Variants in ARHGAP15 observed in about 807,000 individuals in gnomAD.
ARHGAP15 encodes Rho GTPase activating protein 15, also known as rho GTPase-activating protein 15.
ARHGAP15 carries 51 observed loss-of-function variants against 63.7 expected under a neutral mutation model. That is an observed-to-expected ratio of 0.80 (90% CI 0.64 to 1.01). The LOEUF (loss-of-function observed/expected upper bound fraction) is 1.01, where lower values mean the gene tolerates loss of function less well. Ranked by LOEUF, ARHGAP15 falls within the 50% of genes least tolerant of loss-of-function variation. The pLI is 0.00. For missense variants in ARHGAP15, 560 were observed against 564.6 expected (o/e 0.99, Z 0.08); for synonymous variants, 191 against 193.8 (o/e 0.99, Z 0.12).
chr2:143,468,529 G>C (rs1574489764), intron 8 of ARHGAP15, among the ~76,000 whole-genome samples: 1 of 151,836 alleles, frequency 6.6e-6, no homozygotes, highest in Admixed American at 6.6e-5. Flanking sequence ...AATCTGTTTT[G>C]CTTGTATTTG....
intron 6 of ARHGAP15, among the ~76,000 whole-genome samples, chr2:143,374,522 T>C (rs1366930747): frequency 6.6e-6 from 1 of 152,084 alleles, no homozygotes; most frequent in Non-Finnish European, 1.5e-5. Context: ...TTTGCTTTTT[T>C]GAGATAGTGT....
intron 6 of ARHGAP15, among the ~76,000 whole-genome samples, chr2:143,275,438 G>T (rs769608373): frequency 6.6e-5 from 10 of 152,192 alleles, no homozygotes; most frequent in Non-Finnish European, 1.2e-4. Context: ...CTTGGTGGTG[G>T]TGAGTTGCAG....
chr2:143,701,949 G>A (rs973260048), intron 12 of ARHGAP15, among the ~76,000 whole-genome samples: 26 of 152,072 alleles, frequency 1.7e-4, no homozygotes, highest in Admixed American at 6.6e-4. Context: ...CTCCCAGAAG[G>A]CCTGACCAAC....
intron 2 of ARHGAP15, among the ~76,000 whole-genome samples, chr2:143,200,718 T>G (rs371072560): frequency 3.9e-5 from 6 of 152,216 alleles, no homozygotes; most frequent in East Asian, 3.9e-4. Flanking sequence ...AATCTGTCTA[T>G]TATGCTTCTT....
chr2:143,145,549 A>G (rs1291661280), intron 1 of ARHGAP15, among the ~76,000 whole-genome samples: 1 of 152,030 alleles, frequency 6.6e-6, no homozygotes, highest in Non-Finnish European at 1.5e-5. Flanking sequence ...ACAATCTGCA[A>G]ATCTGAACTT....
intron 11 of ARHGAP15, among the ~76,000 whole-genome samples, chr2:143,556,792 A>G (rs1011195813): frequency 6.6e-6 from 1 of 152,074 alleles, no homozygotes; most frequent in Admixed American, 6.6e-5. Flanking sequence ...AAAAAATGTT[A>G]TTGGCTTATA....
At chr2:143,167,886 A>G (rs1000041239) in intron 2 of ARHGAP15, among the ~76,000 whole-genome samples, 1 of 152,118 alleles carries the variant, frequency 6.6e-6, no homozygotes, top group African/African-American at 2.4e-5. Flanking sequence ...GTTTTCCTGC[A>G]GGTTGCATTA....
intron 6 of ARHGAP15, among the ~76,000 whole-genome samples, chr2:143,293,764 A>G (rs1682512815): frequency 6.6e-6 from 1 of 152,026 alleles, no homozygotes; most frequent in African/African-American, 2.4e-5. Flanking sequence ...TGCAACTATT[A>G]AGTGTCAAAA....
intron 6 of ARHGAP15, among the ~76,000 whole-genome samples, chr2:143,273,686 T>C (rs945507703): frequency 3.9e-5 from 6 of 152,164 alleles, no homozygotes; most frequent in Non-Finnish European, 5.9e-5. Flanking sequence ...ATTTTATTTG[T>C]ACAATTTTTT....
intron 9 of ARHGAP15, among the ~76,000 whole-genome samples, chr2:143,510,018 TAAAA>T (rs35469918): frequency 6.9e-3 from 339 of 48,822 alleles, no homozygotes; most frequent in African/African-American, 0.025. Flanking sequence ...GACTCCCTCT[TAAAA>T]AAAAAAAAAA....
At chr2:143,239,496 T>A (rs1283459280) in intron 5 of ARHGAP15, among the ~76,000 whole-genome samples, 1 of 152,144 alleles carries the variant, frequency 6.6e-6, no homozygotes, top group East Asian at 1.9e-4. Context: ...TACTCTCTGC[T>A]TCTATGAGTT....
At chr2:143,272,289 T>A (rs1444590626) in intron 6 of ARHGAP15, among the ~76,000 whole-genome samples, 1 of 152,182 alleles carries the variant, frequency 6.6e-6, no homozygotes, top group Non-Finnish European at 1.5e-5. Flanking sequence ...ACATCCATAC[T>A]CTTTCTGCTT....
At chr2:143,634,125 T>C (rs778881156) in intron 12 of ARHGAP15, among the ~76,000 whole-genome samples, 1 of 152,162 alleles carries the variant, frequency 6.6e-6, no homozygotes, top group Non-Finnish European at 1.5e-5. Flanking sequence ...CTTCATCATT[T>C]ACTGTTCCCT....
intron 11 of ARHGAP15, chr2:143,587,601 T>C (rs1697158727): frequency 1.0e-5 from 4 of 392,366 alleles, no homozygotes; most frequent in South Asian, 2.0e-5. Context: ...TTATGTTTCC[T>C]GAATACCCCT....
chr2:143,721,058 T>C (rs1685033811), intron 13 of ARHGAP15, among the ~76,000 whole-genome samples: 1 of 18,480 alleles, frequency 5.4e-5, no homozygotes, highest in African/African-American at 8.1e-5. Flanking sequence ...CAAGACTCCG[T>C]CTCAAAAAAA....
chr2:143,675,266 C>T (rs1013544235), intron 12 of ARHGAP15, among the ~76,000 whole-genome samples: 2 of 152,194 alleles, frequency 1.3e-5, no homozygotes, highest in African/African-American at 4.8e-5. Context: ...AGTTCCACCA[C>T]ATCTACAGTC....
rs1157412190 is a variant in ARHGAP15 at position 143,644,093 on chromosome 2, T to TAATCA, written c.1138+19829_1138+19833dup. The stretch of plus-strand genomic sequence containing the variant: ...AAGGGGAAAGCATAACAGATTTATT[T>TAATCA]AATCAAAAGTGTGACACAGGAACTT... On this transcript the variant is annotated intron_variant, in intron 12 of 13. Transcript: ENST00000295095. 2.6e-5 allele frequency among the ~76,000 whole-genome samples: 4 copies of TAATCA among 152,236 alleles called. No homozygotes were observed. The South Asian group carries it at 8.3e-4, about 32-fold the overall frequency.
chr2:143,755,798 C>T (rs1266203707), intron 13 of ARHGAP15, among the ~76,000 whole-genome samples: 2 of 152,166 alleles, frequency 1.3e-5, no homozygotes, highest in East Asian at 3.9e-4. Context: ...TGGTGAAACC[C>T]TGTCTAAAAA....
chr2:143,200,566 T>C (rs1692074347), intron 2 of ARHGAP15, among the ~76,000 whole-genome samples: 1 of 152,034 alleles, frequency 6.6e-6, no homozygotes, highest in Non-Finnish European at 1.5e-5. Context: ...TCTCTCTCTC[T>C]CTCATCCTCC....
Sources: allele counts gnomAD v4.1 joint callset (sites outside exome capture counted in the v4.1 genomes callset), GRCh38; gene constraint gnomAD v4.1.1; transcripts MANE v1.5; gene names NCBI Gene and HGNC (gene_info 2026-07-23, HGNC 2026-07-21).